The following MYOM2 variants were observed in gnomAD, a reference collection of about 807,000 sequenced individuals.
MYOM2 encodes myomesin 2.
In MYOM2, 254 loss-of-function variants were observed where a neutral mutation model predicts 187.6. That is an observed-to-expected ratio of 1.35 (90% CI 1.22 to 1.50). The LOEUF (loss-of-function observed/expected upper bound fraction) is 1.50, where lower values mean the gene tolerates loss of function less well. MYOM2 is among the 40% of genes most tolerant of loss of function. The pLI, the probability that MYOM2 is intolerant of heterozygous loss-of-function variation, is 0.00. For missense variants in MYOM2, 2,796 were observed against 1,924.0 expected (o/e 1.45, Z -8.48); for synonymous variants, 981 against 753.8 (o/e 1.30, Z -4.94).
At chr8:2,093,911 G>A in intron 16 of MYOM2, 59 bp from the exon 17 acceptor site, 1 of 1,583,836 alleles carries the variant, frequency 6.3e-7, no homozygotes, top group Non-Finnish European at 8.6e-7. Flanking sequence ...TTTTGCTTCT[G>A]CTGCAGGAGA....
At chr8:2,080,707 A>G (rs1819591050) in intron 13 of MYOM2, among the ~76,000 whole-genome samples, 1 of 152,258 alleles carries the variant, frequency 6.6e-6, no homozygotes, top group Non-Finnish European at 1.5e-5. Flanking sequence ...CATTTTTCGG[A>G]TGATTAAAAC....
intron 6 of MYOM2, among the ~76,000 whole-genome samples, chr8:2,064,647 G>C (rs542282038): frequency 6.6e-6 from 1 of 152,206 alleles, no homozygotes. Flanking sequence ...GCTAATGCGC[G>C]AGGTTGCACT....
At chr8:2,143,289 A>C in intron 35 of MYOM2, 112 bp from the exon 36 acceptor site, 2 of 1,205,816 alleles carry the variant, frequency 1.7e-6, no homozygotes, top group Non-Finnish European at 1.2e-6. Flanking sequence ...CTCTCTCCTG[A>C]GCATAAACTC....
intron 8 of MYOM2, among the ~76,000 whole-genome samples, chr8:2,070,695 T>A (rs1180286824): frequency 6.6e-6 from 1 of 152,268 alleles, no homozygotes; most frequent in Admixed American, 6.5e-5. Context: ...CATGGAAGAA[T>A]GCTCATGTGT....
chr8:2,106,279 C>T lies in MYOM2; in HGVS notation c.2772C>T (p.Gly924=). The T allele has an allele frequency of 6.2e-7, 1 of 1,614,164 alleles. No individual in the cohort carries two copies. The change falls in exon 22 of 37, where the codon GGC becomes GGT. Residue 924 remains glycine, a synonymous_variant. Transcript: ENST00000262113. ...KEISAGVDEQ[G]NIYLGFDCQE... is the part of the protein sequence containing the mutation. ...TCAGTGCTGGTGTCGATGAACAAGG[C>T]AACATCTATCTGGGCTTCGACTGCC...
At chr8:2,079,741 A>C (rs1173234677) in intron 13 of MYOM2, 128 bp downstream of exon 13, 1 of 996,130 alleles carries the variant, frequency 1.0e-6, no homozygotes, top group Non-Finnish European at 1.6e-6. Flanking sequence ...TGAAAACCGC[A>C]GGTCAGGCCT....
chr8:2,121,385 A>G (rs1797450688), intron 28 of MYOM2, among the ~76,000 whole-genome samples: 1 of 152,168 alleles, frequency 6.6e-6, no homozygotes, highest in South Asian at 2.1e-4. Flanking sequence ...ATGGGCTCTG[A>G]TATCATCTTA....
In MYOM2 at chr8:2,129,221, C is replaced by T; in HGVS notation, c.3789C>T (p.Asn1263=). The T allele has an allele frequency of 6.2e-7, 1 of 1,608,764 alleles. No individual in the cohort carries two copies. Among genetic ancestry groups the T allele is most frequent in the Non-Finnish European group, 8.5e-7 (1 of 1,175,374 alleles). The change falls in exon 32 of 37, where the codon AAC becomes AAT. Residue 1263 remains asparagine, a synonymous_variant. Coordinates refer to ENST00000262113, the MANE Select transcript of MYOM2 (RefSeq NM_003970.4). The part of the protein sequence containing the change: ...MKYFTDEMKV[N]WCHKDAKISS... ...ATTTTACAGACGAAATGAAAGTGAA[C>T]TGGTGTCACAAGTAAGTATGACAGC...
rs112847331 is a variant in MYOM2 at position 2,098,938 on chromosome 8, C to G, written c.2395C>G (p.Pro799Ala). The G allele has an allele frequency of 6.2e-7, 1 of 1,613,548 alleles. No individual in the cohort carries two copies. The highest frequency in any genetic ancestry group is 8.5e-7 in the Non-Finnish European group (1 of 1,179,836). Reference sequence around the variant, plus strand: ...GGCCGGCATCGGGGAGCCCTCAGATCCCAGTGAGCACTTCAAGTGTGAGGC... The same window carrying G: ...GGCCGGCATCGGGGAGCCCTCAGATGCCAGTGAGCACTTCAAGTGTGAGGC... ...NLAGIGEPSD[P>A]SEHFKCEAWT... Residue 799 changes from proline to alanine, a missense_variant, in exon 19 of 37, where the codon CCC becomes GCC. By Grantham distance (27) the Pro-to-Ala change is conservative. Coordinates refer to ENST00000262113, the MANE Select transcript of MYOM2 (RefSeq NM_003970.4).
At chr8:2,134,813 C>G (rs1236888815) in intron 32 of MYOM2, among the ~76,000 whole-genome samples, 1 of 152,134 alleles carries the variant, frequency 6.6e-6, no homozygotes, top group Admixed American at 6.5e-5. Context: ...GCCTTATTTT[C>G]TGGGCCCGTA....
chr8:2,050,295 C>T (rs528829303), intron 1 of MYOM2, among the ~76,000 whole-genome samples: 3 of 152,334 alleles, frequency 2.0e-5, no homozygotes, highest in South Asian at 2.1e-4. Flanking sequence ...GCCTCGTGGG[C>T]CACTCGGCCG....
chr8:2,089,901 GCC>G, intron 14 of MYOM2, 105 bp from the exon 15 acceptor site: 2 of 1,007,938 alleles, frequency 2.0e-6, no homozygotes, highest in Non-Finnish European at 1.4e-6. Flanking sequence ...CAGCGGGCGC[GCC>G]TGGTGGTCCT....
intron 10 of MYOM2, among the ~76,000 whole-genome samples, chr8:2,075,712 G>C (rs370987532): frequency 2.6e-5 from 4 of 152,228 alleles, no homozygotes; most frequent in African/African-American, 9.6e-5. Context: ...CAAAGTTGGC[G>C]AAAAGAGTAA....
intron 14 of MYOM2, among the ~76,000 whole-genome samples, chr8:2,088,082 G>T (rs1359324623): frequency 2.6e-5 from 4 of 151,892 alleles, no homozygotes; most frequent in East Asian, 3.9e-4. Context: ...TAGTTATTGG[G>T]TACAGGGGGT....
chr8:2,088,953 G>T (rs1796191019), intron 14 of MYOM2, among the ~76,000 whole-genome samples: 1 of 152,066 alleles, frequency 6.6e-6, no homozygotes. Flanking sequence ...CACCTGGACT[G>T]CGCTCGCTTG....
intron 14 of MYOM2, 31 bp downstream of exon 14, chr8:2,085,421 A>AGATCTCTGCATGGCCCCCCACTGTTGT: frequency 6.4e-7 from 1 of 1,556,256 alleles, no homozygotes; most frequent in Non-Finnish European, 8.7e-7. Context: ...CTGGAAAAGT[A>AGATCTCTGCATGGCCCCCCACTGTTGT]GATCTCTGCA....
rs905463232 is a variant in MYOM2, at chr8:2,124,941, G to GT, written c.3694+731dup. On this transcript the variant is annotated intron_variant, in intron 31 of 36. Coordinates refer to ENST00000262113, the MANE Select transcript of MYOM2 (RefSeq NM_003970.4). ...TTTGCCCATTTTTAATGGGTTATTTGTTTTTTTCCTGTGGAGTTCAGTTCC... is the reference window on the plus strand; with the variant it reads ...TTTGCCCATTTTTAATGGGTTATTTGTTTTTTTTCCTGTGGAGTTCAGTTCC... Among the ~76,000 whole-genome samples the GT allele has an allele frequency of 1.2e-4, 19 of 152,064 alleles. No homozygotes were observed. In the East Asian group the frequency reaches 1.7e-3, roughly 14 times the overall value.
chr8:2,085,464 CA>C (rs1819793119), intron 14 of MYOM2, 74 bp downstream of exon 14: 7 of 1,529,738 alleles, frequency 4.6e-6, no homozygotes, highest in Admixed American at 3.8e-5. Flanking sequence ...CTGCGTGGCC[CA>C]CCGCTGTCGT....
At chr8:2,106,099 C>G in intron 21 of MYOM2, 143 bp from the exon 22 acceptor site, 1 of 792,176 alleles carries the variant, frequency 1.3e-6, no homozygotes, top group Middle Eastern at 3.8e-4. Context: ...ATCCAATCAC[C>G]TCACTCCCTC....
Sources: allele counts gnomAD v4.1 joint callset (sites outside exome capture counted in the v4.1 genomes callset), GRCh38; gene constraint gnomAD v4.1.1; transcripts MANE v1.5; gene names NCBI Gene and HGNC (gene_info 2026-07-23, HGNC 2026-07-21).